Variants in ZNF208 observed in about 807,000 individuals in gnomAD.
ZNF208 encodes zinc finger protein 208.
A neutral mutation model predicts 12.1 loss-of-function variants in ZNF208; 10 were observed. The ratio of observed to expected loss-of-function variants is 0.83; its 90% CI spans 0.51 to 1.40. The LOEUF is 1.40. ZNF208 is among the 40% of genes most tolerant of loss of function. The pLI is 0.00. For missense variants in ZNF208, 1,652 were observed against 1,485.0 expected (o/e 1.11, Z -1.85); for synonymous variants, 497 against 488.4 (o/e 1.02, Z -0.23).
At chr19:21,954,432 G>T (rs1969939680) in intron 4 of ZNF208, among the ~76,000 whole-genome samples, 1 of 152,140 alleles carries the variant, frequency 6.6e-6, no homozygotes, top group Non-Finnish European at 1.5e-5. Context: ...TTGAGACTGT[G>T]GTGGTAAAGT....
intron 4 of ZNF208, among the ~76,000 whole-genome samples, chr19:21,941,785 T>C (rs1278241579): frequency 1.3e-5 from 2 of 152,212 alleles, no homozygotes; most frequent in Admixed American, 6.5e-5. Flanking sequence ...TTTGATTATT[T>C]ATCCGTACAT....
rs746588486 is a variant in ZNF208 at position 21,972,454 on chromosome 19, G to A, written c.2580C>T (p.Pro860=). The change falls in exon 4 of 4, where the codon CCC becomes CCT. Residue 860 remains proline (P), a synonymous_variant. Transcript: ENST00000397126. ...KHKVIHTGEK[P]YKCEECGKAY... is the part of the protein sequence containing the mutation. ...CTTTGCCACATTCTTCACATTTGTA[G>A]GGTTTCTCTCCAGTATGAATTACCT... The A allele has an allele frequency of 5.6e-6, 9 of 1,612,852 alleles. No individual in the cohort carries two copies. In the East Asian group the frequency reaches 1.8e-4, roughly 32 times the overall value.
intron 4 of ZNF208, chr19:21,940,514 G>A (rs961043364): frequency 6.6e-6 from 1 of 152,120 alleles, no homozygotes; most frequent in Non-Finnish European, 1.5e-5. Context: ...AGAGGAAAAG[G>A]CGAAAAAGAA....
intron 1 of ZNF208, among the ~76,000 whole-genome samples, chr19:22,001,702 C>T (rs185864788): frequency 6.6e-6 from 1 of 151,688 alleles, no homozygotes; most frequent in Admixed American, 6.6e-5. Context: ...CCAGCCTAGC[C>T]AACATGATGA....
chr19:21,943,337 G>A lies in ZNF208; in HGVS notation c.306-10100C>T, dbSNP rs892967484. ...ATGTAAATAAACAAAAAAATACACT[G>A]AACAACAACAACAACAAAAAACTAA... On this transcript the variant is annotated intron_variant, in intron 4 of 4. Coordinates refer to the ZNF208 transcript ENST00000599916. Among the ~76,000 whole-genome samples, 18 of 151,900 alleles carry A rather than the reference G, an allele frequency of 1.2e-4. No individual in the cohort carries two copies. The East Asian group carries it at 1.9e-3, about 16-fold the overall frequency.
chr19:21,950,775 A>T (rs1442568770), intron 4 of ZNF208, among the ~76,000 whole-genome samples: 1 of 152,040 alleles, frequency 6.6e-6, no homozygotes, highest in Non-Finnish European at 1.5e-5. Flanking sequence ...GATTACAGGC[A>T]TGAGTCACCA....
intron 1 of ZNF208, among the ~76,000 whole-genome samples, chr19:22,002,432 T>C (rs1197669414): frequency 1.3e-5 from 2 of 152,176 alleles, no homozygotes; most frequent in African/African-American, 4.8e-5. Context: ...AACATGATTC[T>C]ACATCTGGAA....
intron 3 of ZNF208, among the ~76,000 whole-genome samples, chr19:21,984,269 A>T (rs1478037913): frequency 2.0e-5 from 3 of 152,268 alleles, no homozygotes; most frequent in Non-Finnish European, 4.4e-5. Flanking sequence ...AAACAAAACA[A>T]ATATGCCAGG....
chr19:21,970,414 G>T lies in ZNF208; in HGVS notation c.*777C>A, dbSNP rs1219121551. ...GTAAGGATTGAGGAATAGCTAAAAG[G>T]CTTGCCACATTCTTCAGATTTGTAG... On this transcript the variant is annotated 3_prime_UTR_variant, in exon 4 of 4. Transcript: ENST00000397126. Among the ~76,000 whole-genome samples, 1 of 152,132 alleles carries T rather than the reference G, an allele frequency of 6.6e-6. No homozygotes were observed. Among genetic ancestry groups the T allele is most frequent in the Non-Finnish European group, 1.5e-5 (1 of 67,996 alleles).
At chr19:22,008,789 G>T (rs1372893787) in intron 1 of ZNF208, among the ~76,000 whole-genome samples, 2 of 152,118 alleles carry the variant, frequency 1.3e-5, no homozygotes. Context: ...CACACCAGAA[G>T]ATGCCTCTCA....
At chr19:21,947,053 T>G (rs1439139579) in intron 4 of ZNF208, among the ~76,000 whole-genome samples, 1 of 152,132 alleles carries the variant, frequency 6.6e-6, no homozygotes, top group East Asian at 1.9e-4. Context: ...AGCCTATGGA[T>G]ATAATCATGC....
Position 21,966,776 on chromosome 19 carries a change from A to C in ZNF208, c.*4415T>G, listed in dbSNP as rs1276910862. 1 of 152,074 alleles carries C rather than the reference A, an allele frequency of 6.6e-6. No individual in the cohort carries two copies. The highest frequency in any genetic ancestry group is 1.5e-5 in the Non-Finnish European group (1 of 68,002). 9.4% of individuals were successfully genotyped at this position (152,074 alleles called of 1,614,324 possible). ...ACAACTTCAACATCTTATTTATCTTACTTTTAATAAGTCATTCTTACTGGT... is the reference window on the plus strand; with the variant it reads ...ACAACTTCAACATCTTATTTATCTTCCTTTTAATAAGTCATTCTTACTGGT... On this transcript the variant is annotated 3_prime_UTR_variant, in exon 4 of 4. Coordinates refer to ENST00000397126, the MANE Select transcript of ZNF208 (RefSeq NM_007153.3).
chr19:21,960,378 A>G (rs1250672535), intron 4 of ZNF208, among the ~76,000 whole-genome samples: 1 of 152,140 alleles, frequency 6.6e-6, no homozygotes, highest in African/African-American at 2.4e-5. Context: ...CTAGAAATAA[A>G]AAAAGAGATA....
At chr19:21,982,009 C>T (rs1228055275) in intron 3 of ZNF208, among the ~76,000 whole-genome samples, 1 of 152,086 alleles carries the variant, frequency 6.6e-6, no homozygotes, top group African/African-American at 2.4e-5. Context: ...AGGACCTCTT[C>T]AAGGAGAACT....
At chr19:21,947,863 C>T (rs1203627453) in intron 4 of ZNF208, among the ~76,000 whole-genome samples, 1 of 152,142 alleles carries the variant, frequency 6.6e-6, no homozygotes, top group African/African-American at 2.4e-5. Flanking sequence ...CTCTCCCCAG[C>T]CACTGGAGTA....
intron 4 of ZNF208, among the ~76,000 whole-genome samples, chr19:21,947,096 A>C (rs990704126): frequency 2.0e-5 from 3 of 152,108 alleles, no homozygotes; most frequent in Admixed American, 6.5e-5. Context: ...TAGTCATCAG[A>C]TATGTAACTC....
chr19:21,951,018 G>C, intron 4 of ZNF208, among the ~76,000 whole-genome samples: 1 of 152,318 alleles, frequency 6.6e-6, no homozygotes, highest in East Asian at 1.9e-4. Context: ...CTTGGTTCAT[G>C]CAACTTCAAT....
At chr19:22,001,019 T>A (rs1002817902) in intron 1 of ZNF208, among the ~76,000 whole-genome samples, 6 of 152,110 alleles carry the variant, frequency 3.9e-5, no homozygotes, top group Admixed American at 1.3e-4. Context: ...CTGAGTGCGG[T>A]GGCTCACACC....
intron 3 of ZNF208, chr19:21,986,724 A>T (rs1404773601): frequency 3.8e-6 from 1 of 260,822 alleles, no homozygotes; most frequent in East Asian, 6.4e-5. Context: ...GCAGAAGGAC[A>T]TCATACTTTA....
Sources: allele counts gnomAD v4.1 joint callset (sites outside exome capture counted in the v4.1 genomes callset), GRCh38; gene constraint gnomAD v4.1.1; transcripts MANE v1.5; gene names NCBI Gene and HGNC (gene_info 2026-07-23, HGNC 2026-07-21).